The following TENM4 variants were observed in gnomAD, a reference collection of about 807,000 sequenced individuals.
TENM4 encodes the protein teneurin-4.
A neutral mutation model predicts 243.3 loss-of-function variants in TENM4; 82 were observed. That is an observed-to-expected ratio of 0.34 (90% confidence interval 0.28 to 0.40). The LOEUF (loss-of-function observed/expected upper bound fraction) is 0.40, where lower values mean the gene tolerates loss of function less well. TENM4 is among the 10% of genes least tolerant of loss of function. TENM4 has a pLI of 1.00. For synonymous variants in TENM4, 1,412 were observed against 1,456.3 expected, an observed-to-expected ratio of 0.97 and a Z score of 0.69; for missense variants, 3,138 against 3,673.3, an observed-to-expected ratio of 0.85 and a Z score of 3.77.
At chr11:79,041,630 G>T (rs1859534942) in intron 6 of TENM4, among the ~76,000 whole-genome samples, 1 of 152,180 alleles carries the variant, frequency 6.6e-6, no homozygotes, top group African/African-American at 2.4e-5. Flanking sequence ...CATCCAAAGA[G>T]TGGCCTTTGG....
At position 78,712,501 on chromosome 11, in the gene TENM4, G is replaced by T. The variant is rs1859421861; in HGVS notation, c.4035C>A (p.Ala1345=). Residue 1345 remains alanine (A), a synonymous_variant, in exon 26 of 34, where the codon GCC becomes GCA. Transcript: ENST00000278550. The part of the protein sequence containing the change: ...RCGDGGKATE[A]TLTNPRGITV... ...CCTTACCCCTGGGATTGGTGAGTGTGGCTTCTGTGGCCTTCCCACCATCCC... is the reference window on the plus strand; with the variant it reads ...CCTTACCCCTGGGATTGGTGAGTGTTGCTTCTGTGGCCTTCCCACCATCCC... The T allele has an allele frequency of 1.9e-6, 3 of 1,613,964 alleles. No individual in the cohort carries two copies. The highest frequency in any genetic ancestry group is 2.5e-6 in the Non-Finnish European group (3 of 1,179,874).
intron 12 of TENM4, among the ~76,000 whole-genome samples, chr11:78,840,779 A>C (rs1858240573): frequency 6.6e-6 from 1 of 152,164 alleles, no homozygotes; most frequent in Non-Finnish European, 1.5e-5. Context: ...CTGGGTACTG[A>C]CTTGGGAGGG....
intron 3 of TENM4, among the ~76,000 whole-genome samples, chr11:79,164,162 T>A (rs1204942770): frequency 8.1e-6 from 1 of 124,150 alleles, no homozygotes; most frequent in Non-Finnish European, 1.6e-5. Flanking sequence ...GTATATATAG[T>A]GTATATATGG....
intron 6 of TENM4, among the ~76,000 whole-genome samples, chr11:78,942,350 T>A (rs538821583): frequency 3.6e-4 from 38 of 106,952 alleles, no homozygotes; most frequent in African/African-American, 1.2e-3. Context: ...GATGGCTGAG[T>A]GGGAGGATCA....
intron 1 of TENM4, among the ~76,000 whole-genome samples, chr11:79,316,659 T>C (rs1046476844): frequency 6.6e-6 from 1 of 152,202 alleles, no homozygotes; most frequent in Non-Finnish European, 1.5e-5. Flanking sequence ...TACTGAGAAT[T>C]CCCTAATATT....
intron 15 of TENM4, among the ~76,000 whole-genome samples, chr11:78,789,196 T>A (rs77402813): frequency 0.025 from 3,784 of 152,182 alleles, 71 homozygotes; most frequent in South Asian, 0.076. Flanking sequence ...GGGCTATAGG[T>A]GCCTGAGAAT....
chr11:78,747,490 T>C (rs547559437), intron 19 of TENM4, among the ~76,000 whole-genome samples: 7 of 152,324 alleles, frequency 4.6e-5, no homozygotes, highest in African/African-American at 1.7e-4. Context: ...AGATTGGGAT[T>C]GGTCCTAGAG....
At position 78,683,132 on chromosome 11, in the gene TENM4, C is replaced by T. The variant is rs1329807419; in HGVS notation, c.5260+4922G>A. 7.1e-4 allele frequency among the ~76,000 whole-genome samples: 5 copies of T among 7,086 alleles called. No homozygotes were observed. The South Asian group carries it at 0.013, about 19-fold the overall frequency. 4.6% of individuals were successfully genotyped at this position (7,086 alleles called of 152,430 possible). A position where few individuals can be genotyped will look rare whatever the true frequency, so the allele number is the denominator to read the frequency against. Reference sequence around the variant, plus strand: ...GACCCACTTGAGGAGGCAGTCTGCCCGTTCTCAGATCTCCAGCTGCGTGCT... The same window carrying T: ...GACCCACTTGAGGAGGCAGTCTGCCTGTTCTCAGATCTCCAGCTGCGTGCT... On this transcript the variant is annotated intron_variant, in intron 29 of 33. Transcript: ENST00000278550.
chr11:79,160,287 G>A (rs1862715426), intron 3 of TENM4, among the ~76,000 whole-genome samples: 1 of 152,296 alleles, frequency 6.6e-6, no homozygotes, highest in East Asian at 1.9e-4. Context: ...TGATGTTCTT[G>A]TAATTACTGT....
intron 22 of TENM4, among the ~76,000 whole-genome samples, chr11:78,727,849 C>T (rs1030984196): frequency 6.6e-6 from 1 of 152,202 alleles, no homozygotes; most frequent in Non-Finnish European, 1.5e-5. Context: ...GGACAATATT[C>T]TACTACATGT....
intron 2 of TENM4, among the ~76,000 whole-genome samples, chr11:79,227,097 C>T (rs1864283620): frequency 6.6e-6 from 1 of 152,180 alleles, no homozygotes; most frequent in South Asian, 2.1e-4. Flanking sequence ...CAGACAGCAG[C>T]CAGGGTATCT....
chr11:79,279,297 C>T (rs1323774418), intron 2 of TENM4, among the ~76,000 whole-genome samples: 1 of 152,166 alleles, frequency 6.6e-6, no homozygotes, highest in African/African-American at 2.4e-5. Flanking sequence ...AGATGAGTAA[C>T]ACAGTCCTTT....
At chr11:78,913,732 C>G (rs1308561389) in intron 6 of TENM4, among the ~76,000 whole-genome samples, 1 of 151,874 alleles carries the variant, frequency 6.6e-6, no homozygotes, top group Non-Finnish European at 1.5e-5. Context: ...AGGAAAAGCA[C>G]GAAGAAACAG....
At chr11:79,423,058 GA>G (rs1858969345) in intron 1 of TENM4, among the ~76,000 whole-genome samples, 1 of 152,146 alleles carries the variant, frequency 6.6e-6, no homozygotes, top group African/African-American at 2.4e-5. Flanking sequence ...GTTAAAAGGA[GA>G]AGGCTGGGAG....
At chr11:79,131,564 A>G (rs1862003893) in intron 4 of TENM4, among the ~76,000 whole-genome samples, 1 of 152,228 alleles carries the variant, frequency 6.6e-6, no homozygotes, top group Non-Finnish European at 1.5e-5. Context: ...GAAACACATC[A>G]AAACAGAACT....
chr11:79,211,150 C>A (rs549895416), intron 3 of TENM4, among the ~76,000 whole-genome samples: 1 of 152,152 alleles, frequency 6.6e-6, no homozygotes, highest in Non-Finnish European at 1.5e-5. Context: ...AAGGCAGTTA[C>A]ACCAACTTGA....
chr11:79,061,818 A>T (rs2136974459), intron 6 of TENM4, among the ~76,000 whole-genome samples: 1 of 152,208 alleles, frequency 6.6e-6, no homozygotes, highest in Admixed American at 6.5e-5. Flanking sequence ...ACCTATGCAG[A>T]TTTCTTAACT....
chr11:79,153,818 T>C (rs1361760471), intron 3 of TENM4, among the ~76,000 whole-genome samples: 1 of 152,118 alleles, frequency 6.6e-6, no homozygotes, highest in Non-Finnish European at 1.5e-5. Flanking sequence ...TCTCTCTGAT[T>C]CTTCAACCAG....
At chr11:79,268,398 C>G (rs1035971443) in intron 2 of TENM4, among the ~76,000 whole-genome samples, 1 of 152,166 alleles carries the variant, frequency 6.6e-6, no homozygotes, top group Non-Finnish European at 1.5e-5. Context: ...TATAATGAAC[C>G]ACATTTCAGC....
Sources: allele counts gnomAD v4.1 joint callset (sites outside exome capture counted in the v4.1 genomes callset), GRCh38; gene constraint gnomAD v4.1.1; transcripts MANE v1.5; gene names NCBI Gene and HGNC (gene_info 2026-07-23, HGNC 2026-07-21).